The following MLEC variants were observed in gnomAD, a reference collection of about 807,000 sequenced individuals.
MLEC encodes the protein malectin.
In MLEC, 7 loss-of-function variants were observed where a neutral mutation model predicts 28.7. The observed-to-expected ratio is 0.24, with a 90% CI of 0.14 to 0.46. The LOEUF is 0.46. Among genes scored for constraint, MLEC ranks in the 20% least tolerant of loss-of-function variants. The probability of loss-of-function intolerance (pLI) is 0.99; values close to 1 mark genes in which losing one functional copy is unlikely to be tolerated. For missense variants in MLEC, 237 were observed against 391.1 expected (o/e 0.61, Z 3.32); for synonymous variants, 142 against 164.4 (o/e 0.86, Z 1.04).
Position 120,691,123 on chromosome 12 carries a change from C to T in MLEC, c.236-2968C>T, listed in dbSNP as rs10431386. Among the ~76,000 whole-genome samples, 51,617 of 152,082 alleles carry T rather than the reference C, an allele frequency of 0.34. 8,963 individuals are homozygous for T. The highest frequency in any genetic ancestry group is 0.41 in the Middle Eastern group (122 of 294). On this transcript the variant is annotated intron_variant, in intron 1 of 4. Coordinates refer to ENST00000228506, the MANE Select transcript of MLEC (RefSeq NM_014730.4). ...GAGGACAGGCTTCTGCTCATTCTGG[C>T]TTTCCCACTCTTGTGGTTCCCAGTT... is the stretch of plus-strand genomic sequence containing the variant.
intron 1 of MLEC, 126 bp from the exon 2 acceptor site, chr12:120,693,965 T>A: frequency 1.3e-6 from 1 of 759,464 alleles, no homozygotes; most frequent in Non-Finnish European, 2.1e-6. Flanking sequence ...AGGTGCAGAG[T>A]GGGTGGCCCC....
At chr12:120,688,963 G>T (rs907753354) in intron 1 of MLEC, among the ~76,000 whole-genome samples, 4 of 152,316 alleles carry the variant, frequency 2.6e-5, no homozygotes, top group East Asian at 1.9e-4. Context: ...CACGAGTGTG[G>T]GCAGGGAGGA....
intron 1 of MLEC, among the ~76,000 whole-genome samples, chr12:120,689,172 A>G (rs2137412778): frequency 6.6e-6 from 1 of 151,894 alleles, no homozygotes; most frequent in Non-Finnish European, 1.5e-5. Context: ...GCCCTTATTC[A>G]GAAATTCTGG....
Position 120,696,335 on chromosome 12 carries a change from T to G in MLEC, c.669T>G (p.Pro223=). ...TGTTAGATGTACCAAAGCTTCAGCC[T>G]CATCCGGGATTGGAGAAGAAAGAAG... ...GTVDDVPKLQ[P]HPGLEKKEEE... Residue 223 remains proline (P), a synonymous_variant, in exon 5 of 5, where the codon CCT becomes CCG. Coordinates refer to ENST00000228506, the MANE Select transcript of MLEC (RefSeq NM_014730.4). This position sits in a 1 kb window ranked among gnomAD's most constrained non-coding sequence, Gnocchi z 5.4. The G allele has an allele frequency of 6.2e-7, 1 of 1,614,108 alleles. No individual in the cohort carries two copies. Among genetic ancestry groups the G allele is most frequent in the Non-Finnish European group, 8.5e-7 (1 of 1,180,026 alleles).
At chr12:120,688,609 A>G (rs1346474159) in intron 1 of MLEC, among the ~76,000 whole-genome samples, 2 of 152,258 alleles carry the variant, frequency 1.3e-5, no homozygotes, top group Non-Finnish European at 2.9e-5. Context: ...CAACCAGGAG[A>G]CAGACTCACT....
chr12:120,693,677 A>G (rs982831516), intron 1 of MLEC, among the ~76,000 whole-genome samples: 3 of 152,192 alleles, frequency 2.0e-5, no homozygotes, highest in African/African-American at 4.8e-5. Context: ...TTCATCTTGT[A>G]TGGAGTTCCT....
At position 120,694,918 on chromosome 12, in the gene MLEC, C is replaced by T. The variant is rs1437077432; in HGVS notation, c.509C>T (p.Pro170Leu). Residue 170 changes from proline to leucine, a missense_variant, in exon 3 of 5, where the codon CCT (proline) becomes CTT (leucine). Physicochemically the swap from Pro to Leu is moderately conservative, Grantham distance 98. Transcript: ENST00000228506. The surrounding 1 kb of genome is among the most constrained non-coding windows in gnomAD (Gnocchi z 4.5). ...AGCACAGCTCACGATGAAATTATAC[C>T]TATGAGCATCAGAAAGGGGAAGCTG... ...GHSTAHDEII[P>L]MSIRKGKLSV... The T allele has an allele frequency of 2.5e-6, 4 of 1,614,150 alleles. No homozygotes were observed. The highest frequency in any genetic ancestry group is 1.1e-5 in the South Asian group (1 of 91,078).
At chr12:120,691,988 G>A (rs1021228769) in intron 1 of MLEC, among the ~76,000 whole-genome samples, 1 of 152,110 alleles carries the variant, frequency 6.6e-6, no homozygotes, top group South Asian at 2.1e-4. Flanking sequence ...GTGAAAGCCC[G>A]TTTCTACTAA....
intron 4 of MLEC, among the ~76,000 whole-genome samples, 186 bp downstream of exon 4, chr12:120,695,338 A>G (rs1266035806): frequency 1.3e-5 from 2 of 152,224 alleles, no homozygotes; most frequent in Non-Finnish European, 2.9e-5. Flanking sequence ...AGTCAGGTCT[A>G]TGTATATCTT....
At position 120,697,641 on chromosome 12, in the gene MLEC, T is replaced by C. The variant is rs1882289914; in HGVS notation, c.*1096T>C. On this transcript the variant is annotated 3_prime_UTR_variant, in exon 5 of 5. Coordinates refer to ENST00000228506, the MANE Select transcript of MLEC (RefSeq NM_014730.4). This position sits in a 1 kb window ranked among gnomAD's most constrained non-coding sequence, Gnocchi z 4.8. ...GGATTAGAAAAGGCTTATGTTAGCA[T>C]AGCTTAAGAGCAACCTCAGAGATTT... The C allele has an allele frequency of 6.5e-6, 1 of 152,688 alleles. No homozygotes were observed. The highest frequency in any genetic ancestry group is 1.5e-5 in the Non-Finnish European group (1 of 68,046). The allele number at this position is 152,688 out of a possible 1,614,324, so 9.5% of individuals were successfully genotyped here. A position where few individuals can be genotyped will look rare whatever the true frequency, so the allele number is the denominator to read the frequency against.
In MLEC at chr12:120,700,202, G is replaced by A. The variant is rs1260987899; in HGVS notation, c.*3657G>A. On this transcript the variant is annotated 3_prime_UTR_variant, in exon 5 of 5. Coordinates refer to ENST00000228506, the MANE Select transcript of MLEC (RefSeq NM_014730.4). This position sits in a 1 kb window ranked among gnomAD's most constrained non-coding sequence, Gnocchi z 4.0. ...ACAGTGCCTTTTCCTCTCCTGCTCT[G>A]AGCCAGGGTGGGGCATTCCCTCTAG... 6.5e-6 allele frequency: 1 copy of A among 152,692 alleles called. No individual in the cohort carries two copies. The highest frequency in any genetic ancestry group is 1.5e-5 in the Non-Finnish European group (1 of 68,112). 9.5% of individuals were successfully genotyped at this position (152,692 alleles called of 1,614,324 possible).
rs538774087 is a variant in MLEC, at chr12:120,697,340, C to T, written c.*795C>T. Reference sequence around the variant, plus strand: ...GTTTGTTTGTTTCCTTAATCTGGCTCATTTGAAATTTCTTCTCCCTCTCAA... The same window carrying T: ...GTTTGTTTGTTTCCTTAATCTGGCTTATTTGAAATTTCTTCTCCCTCTCAA... On this transcript the variant is annotated 3_prime_UTR_variant, in exon 5 of 5. Coordinates refer to ENST00000228506, the MANE Select transcript of MLEC (RefSeq NM_014730.4). The surrounding 1 kb of genome is among the most constrained non-coding windows in gnomAD (Gnocchi z 4.8). 6.5e-6 allele frequency: 1 copy of T among 152,782 alleles called. No individual in the cohort carries two copies. The highest frequency in any genetic ancestry group is 1.9e-4 in the East Asian group (1 of 5,180). 9.5% of individuals were successfully genotyped at this position (152,782 alleles called of 1,614,324 possible).
rs1335497709 is a variant in MLEC at position 120,701,240 on chromosome 12, G to C, written c.*4695G>C. ...TCCGTCCTTTCAAAGGACAACTGTC[G>C]GGAAGGGAGAGCCGAGTTGCGAGGT... On this transcript the variant is annotated 3_prime_UTR_variant, in exon 5 of 5. Transcript: ENST00000228506. This position sits in a 1 kb window ranked among gnomAD's most constrained non-coding sequence, Gnocchi z 4.0. 4 of 152,312 alleles carry C rather than the reference G, an allele frequency of 2.6e-5. No individual in the cohort carries two copies. The highest frequency in any genetic ancestry group is 9.7e-5 in the African/African-American group (4 of 41,448). 9.4% of individuals were successfully genotyped at this position (152,312 alleles called of 1,614,324 possible).
chr12:120,691,519 C>T (rs1007095207), intron 1 of MLEC, among the ~76,000 whole-genome samples: 1 of 152,260 alleles, frequency 6.6e-6, no homozygotes, highest in Non-Finnish European at 1.5e-5. Context: ...GGCCCTTCGG[C>T]CCCCTTCCTT....
chr12:120,693,567 ATTTTATTCG>A (rs1882116929), intron 1 of MLEC, among the ~76,000 whole-genome samples: 1 of 152,256 alleles, frequency 6.6e-6, no homozygotes, highest in African/African-American at 2.4e-5. Flanking sequence ...TAAAGCTGGA[ATTTTATTCG>A]TAAGGACAAT....
chr12:120,690,275 T>C (rs1392631004), intron 1 of MLEC, among the ~76,000 whole-genome samples: 1 of 152,170 alleles, frequency 6.6e-6, no homozygotes, highest in South Asian at 2.1e-4. Context: ...CCTCCCAAAC[T>C]GCTGGGATTA....
chr12:120,691,959 G>GAC (rs1450129301), intron 1 of MLEC, among the ~76,000 whole-genome samples: 1 of 152,152 alleles, frequency 6.6e-6, no homozygotes, highest in Non-Finnish European at 1.5e-5. Context: ...TGGAGTTGGA[G>GAC]ACCAGCTTGG....
rs1882348120 is a variant in MLEC at position 120,699,054 on chromosome 12, T to A, written c.*2509T>A. 1 of 152,636 alleles carries A rather than the reference T, an allele frequency of 6.6e-6. No individual in the cohort carries two copies. The highest frequency in any genetic ancestry group is 6.5e-5 in the Admixed American group (1 of 15,282). 9.5% of individuals were successfully genotyped at this position (152,636 alleles called of 1,614,324 possible). On this transcript the variant is annotated 3_prime_UTR_variant, in exon 5 of 5. Coordinates refer to ENST00000228506, the MANE Select transcript of MLEC (RefSeq NM_014730.4). Reference sequence around the variant, plus strand: ...TGGCTCATGATGCTGAACTTGAAAGTTTTTTTGTTTTTGTTTTTGTTTTGT... The same window carrying A: ...TGGCTCATGATGCTGAACTTGAAAGATTTTTTGTTTTTGTTTTTGTTTTGT...
Position 120,696,619 on chromosome 12 carries a change from T to C in MLEC, c.*74T>C. The C allele has an allele frequency of 6.4e-7, 1 of 1,560,098 alleles. No homozygotes were observed. Among genetic ancestry groups the C allele is most frequent in the South Asian group, 1.2e-5 (1 of 84,164 alleles). On this transcript the variant is annotated 3_prime_UTR_variant, in exon 5 of 5. Coordinates refer to ENST00000228506, the MANE Select transcript of MLEC (RefSeq NM_014730.4). This position sits in a 1 kb window ranked among gnomAD's most constrained non-coding sequence, Gnocchi z 5.4. ...AGCCATATTGGTTTTGGTTTCTGTATTTTTCACAATGATTAATGAACAAAA... is the reference window on the plus strand; with the variant it reads ...AGCCATATTGGTTTTGGTTTCTGTACTTTTCACAATGATTAATGAACAAAA...
Sources: allele counts gnomAD v4.1 joint callset (sites outside exome capture counted in the v4.1 genomes callset), GRCh38; gene constraint gnomAD v4.1.1; non-coding constraint Gnocchi (gnomAD v3.1); transcripts MANE v1.5; gene names NCBI Gene and HGNC (gene_info 2026-07-23, HGNC 2026-07-21).